DAB1: variants seen among roughly 807,000 people sequenced by gnomAD.
DAB1 encodes disabled homolog 1.
DAB1 carries 15 observed loss-of-function variants against 64.6 expected under a neutral mutation model. The ratio of observed to expected loss-of-function variants is 0.23; its 90% confidence interval spans 0.16 to 0.36. The LOEUF (loss-of-function observed/expected upper bound fraction) is 0.36, where lower values mean the gene tolerates loss of function less well. DAB1 is among the 10% of genes least tolerant of loss of function. DAB1 has a pLI of 1.00. For missense variants in DAB1, 596 were observed against 706.7 expected (o/e 0.84, Z 1.78); for synonymous variants, 235 against 251.9 (o/e 0.93, Z 0.64).
Position 57,127,267 on chromosome 1 carries a change from G to A in DAB1, c.306+9276C>T, listed in dbSNP as rs192265467. 1.5e-3 allele frequency among the ~76,000 whole-genome samples: 223 copies of A among 152,242 alleles called. 2 individuals are homozygous for A. The highest frequency in any genetic ancestry group is 4.4e-3 in the Admixed American group (67 of 15,278). On this transcript the variant is annotated intron_variant, in intron 4 of 14. Transcript: ENST00000371236. Reference sequence around the variant, plus strand: ...GCAGAGACACCCAAGTGGACAGCTCGGATTTATCAAGTGTAACAGCCTCTG... The same window carrying A: ...GCAGAGACACCCAAGTGGACAGCTCAGATTTATCAAGTGTAACAGCCTCTG...
In DAB1 at chr1:57,262,597, C is replaced by T. The variant is rs374041170; in HGVS notation, c.67+28367G>A. Among the ~76,000 whole-genome samples the T allele has an allele frequency of 6.1e-4, 93 of 152,344 alleles. 1 individual carries two copies. The South Asian group carries it at 0.017, about 27-fold the overall frequency. On this transcript the variant is annotated intron_variant, in intron 2 of 14. Transcript: ENST00000371236. The stretch of plus-strand genomic sequence containing the variant: ...AGTGATTTTACTTACACCTACTTTC[C>T]GCTCTTATCACCCGGAGTTCTTTGT...
intron 7 of DAB1, among the ~76,000 whole-genome samples, chr1:57,443,117 T>C (rs959341270): frequency 2.6e-5 from 4 of 152,216 alleles, no homozygotes; most frequent in South Asian, 4.1e-4. Flanking sequence ...TAAATTAACA[T>C]AGCCTGCCAA....
At position 58,320,197 on chromosome 1, in the gene DAB1, C is replaced by T. The variant is rs149049224; in HGVS notation, n.309+23155G>A. ...AAATGTGCCCTGATAGAGATACACTCAGAATGCAGGAAGACACAGGAAGGA... is the reference window on the plus strand; with the variant it reads ...AAATGTGCCCTGATAGAGATACACTTAGAATGCAGGAAGACACAGGAAGGA... On this transcript the variant is annotated intron_variant and non_coding_transcript_variant, in intron 4 of 20. Transcript: ENST00000485760. Among the ~76,000 whole-genome samples, 1,296 of 152,288 alleles carry T rather than the reference C, an allele frequency of 8.5e-3. 5 individuals carry two copies. The highest frequency in any genetic ancestry group is 0.012 in the Non-Finnish European group (841 of 68,026).
intron 2 of DAB1, among the ~76,000 whole-genome samples, chr1:58,510,766 A>C (rs1176463120): frequency 6.6e-6 from 1 of 152,168 alleles, no homozygotes; most frequent in African/African-American, 2.4e-5. Flanking sequence ...CTAATAAATA[A>C]ATTCAGTAAA....
intron 5 of DAB1, among the ~76,000 whole-genome samples, chr1:58,113,633 T>C (rs1198707699): frequency 6.6e-6 from 1 of 151,708 alleles, no homozygotes; most frequent in Non-Finnish European, 1.5e-5. Context: ...AATGACCCTA[T>C]TGTGGTAATT....
intron 1 of DAB1, among the ~76,000 whole-genome samples, chr1:57,356,832 G>T (rs537666617): frequency 3.3e-4 from 50 of 151,952 alleles, no homozygotes; most frequent in African/African-American, 1.2e-3. Context: ...ACTGCCTCTC[G>T]CAATAGACCA....
chr1:57,413,704 A>T (rs2101065465), intron 1 of DAB1, among the ~76,000 whole-genome samples: 1 of 143,162 alleles, frequency 7.0e-6, no homozygotes, highest in South Asian at 2.2e-4. Context: ...AGATCGCGCC[A>T]CTGCACTCCA....
intron 5 of DAB1, among the ~76,000 whole-genome samples, chr1:58,015,038 G>A (rs1646719128): frequency 6.6e-6 from 1 of 152,172 alleles, no homozygotes; most frequent in Non-Finnish European, 1.5e-5. Flanking sequence ...GCTCTTTTGT[G>A]AATCAAGCAA....
intron 4 of DAB1, among the ~76,000 whole-genome samples, chr1:58,180,218 G>T (rs532715813): frequency 1.6e-5 from 2 of 128,780 alleles, no homozygotes; most frequent in Admixed American, 1.6e-4. Context: ...TATTTTTCTA[G>T]TTTTTTTAAG....
chr1:58,244,415 T>C (rs1660443018), intron 4 of DAB1, among the ~76,000 whole-genome samples: 1 of 152,190 alleles, frequency 6.6e-6, no homozygotes, highest in Admixed American at 6.5e-5. Context: ...ATATTCCTTA[T>C]TTGTGGAATG....
intron 2 of DAB1, among the ~76,000 whole-genome samples, chr1:57,247,275 G>C (rs1668956715): frequency 6.6e-6 from 1 of 152,130 alleles, no homozygotes; most frequent in Non-Finnish European, 1.5e-5. Flanking sequence ...CACCCTTGCT[G>C]TTCTCATGAT....
intron 1 of DAB1, chr1:57,387,427 A>G (rs1681958203): frequency 6.6e-6 from 1 of 152,200 alleles, no homozygotes; most frequent in Non-Finnish European, 1.5e-5. Context: ...TTTGCATTTA[A>G]TAATAAAATA....
intron 1 of DAB1, among the ~76,000 whole-genome samples, chr1:57,352,728 G>C (rs1282872551): frequency 6.6e-6 from 1 of 152,138 alleles, no homozygotes; most frequent in Non-Finnish European, 1.5e-5. Context: ...ATTTCTCCTA[G>C]GGTATGACAT....
intron 4 of DAB1, among the ~76,000 whole-genome samples, chr1:57,080,818 G>T (rs2100625790): frequency 6.6e-6 from 1 of 152,052 alleles, no homozygotes; most frequent in African/African-American, 2.4e-5. Flanking sequence ...TCCTAACACT[G>T]GGGTTCAACT....
At chr1:57,654,487 T>C (rs1384183334) in intron 6 of DAB1, among the ~76,000 whole-genome samples, 1 of 152,218 alleles carries the variant, frequency 6.6e-6, no homozygotes, top group Non-Finnish European at 1.5e-5. Flanking sequence ...TGTGGTGGTA[T>C]ATAGGGGTTT....
chr1:58,216,427 C>T (rs1231433303), intron 4 of DAB1, among the ~76,000 whole-genome samples: 2 of 152,146 alleles, frequency 1.3e-5, no homozygotes, highest in Non-Finnish European at 2.9e-5. Context: ...TCTAGTCTAT[C>T]ATTGATGGGC....
chr1:58,377,882 C>T (rs1644344609), intron 3 of DAB1, among the ~76,000 whole-genome samples: 1 of 141,892 alleles, frequency 7.0e-6, no homozygotes, highest in African/African-American at 2.6e-5. Flanking sequence ...CTCACTTCTT[C>T]TTATTCGTTT....
At chr1:57,603,120 G>A (rs577061332) in intron 7 of DAB1, among the ~76,000 whole-genome samples, 1 of 152,266 alleles carries the variant, frequency 6.6e-6, no homozygotes, top group Admixed American at 6.5e-5. Flanking sequence ...TTACAGGCAT[G>A]CACCACCACG....
At chr1:57,924,909 AATT>A (rs1226584085) in intron 5 of DAB1, among the ~76,000 whole-genome samples, 1 of 152,134 alleles carries the variant, frequency 6.6e-6, no homozygotes, top group East Asian at 1.9e-4. Flanking sequence ...AAATGCCAAT[AATT>A]ATTATTATCA....
Sources: allele counts gnomAD v4.1 joint callset (sites outside exome capture counted in the v4.1 genomes callset), GRCh38; gene constraint gnomAD v4.1.1; transcripts MANE v1.5; gene names NCBI Gene and HGNC (gene_info 2026-07-23, HGNC 2026-07-21).